CEP120: variants seen among roughly 807,000 people sequenced by gnomAD.
The protein encoded by CEP120 is centrosomal protein of 120 kDa.
In CEP120, 113 loss-of-function variants were observed where a neutral mutation model predicts 126.5. The ratio of observed to expected loss-of-function variants is 0.89; its 90% confidence interval spans 0.77 to 1.04. The LOEUF is 1.04. Ranked by LOEUF, CEP120 falls within the 50% of genes least tolerant of loss-of-function variation. The probability of loss-of-function intolerance (pLI) is 0.00; values close to 1 mark genes in which losing one functional copy is unlikely to be tolerated. For synonymous variants in CEP120, 400 were observed against 394.3 expected, an observed-to-expected ratio of 1.01 and a Z score of -0.17; for missense variants, 1,230 against 1,155.7, an observed-to-expected ratio of 1.06 and a Z score of -0.93.
intron 4 of CEP120, among the ~76,000 whole-genome samples, chr5:123,406,961 G>A (rs80144244): frequency 0.01 from 1,558 of 151,954 alleles, 27 homozygotes; most frequent in African/African-American, 0.035. Flanking sequence ...GGAGGGATTA[G>A]TAATATTTTA....
intron 7 of CEP120, 40 bp downstream of exon 7, chr5:123,391,070 A>T: frequency 1.4e-6 from 2 of 1,444,394 alleles, no homozygotes; most frequent in Middle Eastern, 1.8e-4. Context: ...CATGCATGGG[A>T]CTAGTGAAGC....
intron 18 of CEP120, chr5:123,358,204 G>A (rs757149124): frequency 1.4e-4 from 22 of 152,000 alleles, no homozygotes; most frequent in Non-Finnish European, 2.8e-4. Flanking sequence ...ACAAAATTAT[G>A]ACAAAAAGCA....
chr5:123,359,628 T>G (rs1769922643), intron 18 of CEP120, among the ~76,000 whole-genome samples: 1 of 152,004 alleles, frequency 6.6e-6, no homozygotes, highest in Non-Finnish European at 1.5e-5. Flanking sequence ...TCCCATGATA[T>G]CAAACTTAAG....
rs1042258698 is a variant in CEP120 at position 123,382,246 on chromosome 5, T to G, written c.2014-46A>C. ...AAGTCGCCAAAAAACCCCAAATATG[T>G]CAAATAAATGAATCAGTTGTCAGTT... On this transcript the variant is annotated intron_variant, in intron 13 of 19. Transcript: ENST00000306467. 7.6e-6 allele frequency: 9 copies of G among 1,190,386 alleles called. No homozygotes were observed. In the African/African-American group the frequency reaches 1.4e-4, roughly 18 times the overall value. 73.7% of individuals were successfully genotyped at this position (1,190,386 alleles called of 1,614,324 possible).
intron 2 of CEP120, among the ~76,000 whole-genome samples, chr5:123,417,132 C>G (rs949467054): frequency 6.6e-6 from 1 of 152,108 alleles, no homozygotes; most frequent in Admixed American, 6.5e-5. Context: ...TGGTACTAAC[C>G]TGGCACTAAC....
chr5:123,366,281 AGAGCCCTTACTGT>A (rs1770451061), intron 17 of CEP120, among the ~76,000 whole-genome samples: 1 of 151,852 alleles, frequency 6.6e-6, no homozygotes, highest in African/African-American at 2.4e-5. Context: ...TGGGTTCTTA[AGAGCCCTTACTGT>A]AAGTAGATTT....
At chr5:123,401,643 C>G in intron 4 of CEP120, 1 of 1,436,224 alleles carries the variant, frequency 7.0e-7, no homozygotes, top group Non-Finnish European at 9.8e-7. Context: ...GACTGCAGCT[C>G]CCGGATCTCC....
At chr5:123,366,856 C>T (rs1054185660) in intron 17 of CEP120, among the ~76,000 whole-genome samples, 4 of 151,952 alleles carry the variant, frequency 2.6e-5, no homozygotes, top group African/African-American at 4.8e-5. Flanking sequence ...CTGTCCTACC[C>T]GCTCAACCTG....
At chr5:123,387,036 T>C (rs558358401) in intron 9 of CEP120, among the ~76,000 whole-genome samples, 6 of 152,264 alleles carry the variant, frequency 3.9e-5, no homozygotes, top group South Asian at 4.1e-4. Context: ...CTGGTAATTA[T>C]GGTAATCTTG....
Position 123,382,112 on chromosome 5 carries a change from T to C in CEP120, c.2102A>G (p.Lys701Arg). The C allele has an allele frequency of 2.5e-6, 4 of 1,584,592 alleles. No individual in the cohort carries two copies. The highest frequency in any genetic ancestry group is 8.6e-7 in the Non-Finnish European group (1 of 1,158,370). The change falls in exon 14 of 20, where the codon AAG (lysine) becomes AGG (arginine). Residue 701 changes from lysine (K) to arginine (R), a missense_variant and splice_region_variant. By Grantham distance (26) the Lys-to-Arg change is conservative. Coordinates refer to ENST00000306467, the MANE Select transcript of CEP120 (RefSeq NM_001375405.1). ...CCTCACTTTTACACAAGTTATTACC[T>C]TTTTCTTTACTAGTGATTCTCTTTC... Reference protein sequence around the residue: ...DRERESLVKKKVAEYTILEGK... With the variant: ...DRERESLVKKRVAEYTILEGK...
intron 11 of CEP120, among the ~76,000 whole-genome samples, chr5:123,383,450 A>G (rs1031783024): frequency 6.6e-6 from 1 of 152,098 alleles, no homozygotes; most frequent in African/African-American, 2.4e-5. Flanking sequence ...TGCTGACTTC[A>G]TACAGTTTTG....
intron 14 of CEP120, 27 bp downstream of exon 14, chr5:123,382,084 C>A (rs373924875): frequency 7.8e-6 from 11 of 1,409,548 alleles, no homozygotes; most frequent in Non-Finnish European, 1.1e-5. Flanking sequence ...TCTTCCTTCT[C>A]TTCCTCACTT....
At chr5:123,373,482 T>G (rs1770993511) in intron 16 of CEP120, among the ~76,000 whole-genome samples, 1 of 152,042 alleles carries the variant, frequency 6.6e-6, no homozygotes, top group Non-Finnish European at 1.5e-5. Context: ...AATTGCCCAG[T>G]GTCCAAAGAA....
At chr5:123,396,509 TAA>T (rs1772801458) in intron 5 of CEP120, among the ~76,000 whole-genome samples, 1 of 152,182 alleles carries the variant, frequency 6.6e-6, no homozygotes, top group African/African-American at 2.4e-5. Flanking sequence ...TATTGGTTTT[TAA>T]AAGTTATGGA....
chr5:123,422,441 A>G (rs1310819884), intron 1 of CEP120: 1 of 1,401,220 alleles, frequency 7.1e-7, no homozygotes, highest in East Asian at 2.5e-5. Flanking sequence ...GTCCCAATAA[A>G]CCAATGTCAT....
intron 18 of CEP120, among the ~76,000 whole-genome samples, chr5:123,354,998 A>C: frequency 7.3e-6 from 1 of 136,544 alleles, no homozygotes; most frequent in South Asian, 2.2e-4. Flanking sequence ...ATGTGTTCTC[A>C]TTGTTCAATT....
In CEP120 at chr5:123,364,504, G is replaced by T; in HGVS notation, c.2572C>A (p.Leu858Ile). 3 of 1,602,580 alleles carry T rather than the reference G, an allele frequency of 1.9e-6. No homozygotes were observed. The highest frequency in any genetic ancestry group is 2.6e-6 in the Non-Finnish European group (3 of 1,172,462). The change falls in exon 18 of 20, where the codon CTT becomes ATT. Residue 858 changes from leucine to isoleucine, a missense_variant. Leu to Ile is a conservative substitution (Grantham distance 5). Transcript: ENST00000306467. ...AGCTATAAACTACATACCTGTTTAAGTCTGGCAAGTTCTTTCAAAGCTCGT... is the reference window on the plus strand; with the variant it reads ...AGCTATAAACTACATACCTGTTTAATTCTGGCAAGTTCTTTCAAAGCTCGT... ...WGRALKELAR[L>I]KQREQESQMA...
intron 18 of CEP120, among the ~76,000 whole-genome samples, chr5:123,357,193 G>A (rs1178234983): frequency 6.6e-6 from 1 of 152,006 alleles, no homozygotes; most frequent in Non-Finnish European, 1.5e-5. Flanking sequence ...GTCCACCCCT[G>A]CCTGCAACAG....
At chr5:123,417,196 A>G (rs1774441261) in intron 2 of CEP120, among the ~76,000 whole-genome samples, 1 of 152,216 alleles carries the variant, frequency 6.6e-6, no homozygotes, top group African/African-American at 2.4e-5. Context: ...CACCACTGAA[A>G]GGAAATCCAA....
Sources: allele counts gnomAD v4.1 joint callset (sites outside exome capture counted in the v4.1 genomes callset), GRCh38; gene constraint gnomAD v4.1.1; transcripts MANE v1.5; gene names NCBI Gene and HGNC (gene_info 2026-07-23, HGNC 2026-07-21).